Variants in LCTL observed in about 807,000 individuals in gnomAD.
LCTL encodes the protein lactase-like protein.
In LCTL, 76 loss-of-function variants were observed where a neutral mutation model predicts 75.8. The ratio of observed to expected loss-of-function variants is 1.00; its 90% CI spans 0.83 to 1.21. The LOEUF (loss-of-function observed/expected upper bound fraction) is 1.21. Ranked by LOEUF, LCTL falls within the 50% of genes most tolerant of loss-of-function variation. LCTL has a pLI of 0.00. For synonymous variants in LCTL, 271 were observed against 268.8 expected (o/e 1.01, Z -0.08); for missense variants, 670 against 712.4 (o/e 0.94, Z 0.68).
At chr15:66,550,045 A>C (rs111724689) in exon 12 of LCTL, 2 of 1,600,272 alleles carry the variant, frequency 1.2e-6, no homozygotes, top group Admixed American at 3.5e-5. Context: ...ACTCACCTGC[A>C]GCAAGCATCT....
At chr15:66,558,019 C>G (rs1276959439) in exon 7 of LCTL, 1 of 1,605,986 alleles carries the variant, frequency 6.2e-7, no homozygotes, top group South Asian at 1.1e-5. Flanking sequence ...TATAAGAATG[C>G]CAGGCTTTGG....
chr15:66,548,731 T>C (rs1220438244), intron 12 of LCTL, 126 bp from the exon 14 acceptor site: 1 of 509,720 alleles, frequency 2.0e-6, no homozygotes. Flanking sequence ...ATTTTCTGAT[T>C]CTTATTTGCC....
At chr15:66,565,458 G>T in exon 1 of LCTL, 1 of 733,796 alleles carries the variant, frequency 1.4e-6, no homozygotes, top group Non-Finnish European at 2.3e-6. Context: ...TTAGGGCAAA[G>T]GCCAAGTGGG....
In LCTL at chr15:66,553,331, T is replaced by C. The variant is rs1895659881; in HGVS notation, c.923-73A>G. On this transcript the variant is annotated intron_variant, in intron 8 of 12. Transcript: ENST00000341509. ...ATCACTGTGTTATGTATCATGACGA[T>C]AGTGACATCTTGACATAAACGGTGG... The C allele has an allele frequency of 6.5e-6, 8 of 1,235,944 alleles. No individual in the cohort carries two copies. The South Asian group carries it at 1.1e-4, about 17-fold the overall frequency. 76.6% of individuals were successfully genotyped at this position (1,235,944 alleles called of 1,614,324 possible). A position where few individuals can be genotyped will look rare whatever the true frequency, so the allele number is the denominator to read the frequency against.
chr15:66,548,772 T>C (rs974723284), intron 12 of LCTL, 167 bp from the exon 14 acceptor site: 2 of 445,750 alleles, frequency 4.5e-6, no homozygotes, highest in Non-Finnish European at 8.1e-6. Context: ...TTAAATGTTA[T>C]TTGAAAATGT....
chr15:66,560,937 A>G (rs1349304336), intron 6 of LCTL, 69 bp downstream of exon 7: 3 of 1,438,824 alleles, frequency 2.1e-6, no homozygotes, highest in Non-Finnish European at 2.9e-6. Flanking sequence ...GACCAAGCTC[A>G]GGCTAGAGCC....
At chr15:66,552,408 C>A (rs1012683751) in intron 9 of LCTL, among the ~76,000 whole-genome samples, 1 of 152,112 alleles carries the variant, frequency 6.6e-6, no homozygotes, top group South Asian at 2.1e-4. Context: ...CGGTGGCTCA[C>A]GCCTGTAATC....
chr15:66,555,000 T>C (rs886474024), intron 8 of LCTL, among the ~76,000 whole-genome samples: 12 of 152,136 alleles, frequency 7.9e-5, no homozygotes, highest in Non-Finnish European at 1.6e-4. Context: ...AAAAAGACTT[T>C]TAATATATAA....
At chr15:66,564,549 G>T in intron 2 of LCTL, 127 bp downstream of exon 3, 3 of 1,130,870 alleles carry the variant, frequency 2.7e-6, no homozygotes, top group Non-Finnish European at 3.7e-6. Context: ...GAGGGTGTTT[G>T]GCAGAGCATG....
chr15:66,547,765 G>A (rs1380288802), exon 13 of LCTL: 4 of 152,054 alleles, frequency 2.6e-5, no homozygotes, highest in African/African-American at 9.7e-5. Context: ...TTACAACCTG[G>A]AAGGATTGTT....
intron 11 of LCTL, 86 bp downstream of exon 12, chr15:66,551,576 A>C: frequency 1.1e-5 from 12 of 1,071,528 alleles, no homozygotes; most frequent in Non-Finnish European, 1.5e-5. Context: ...AGGAAAGAGA[A>C]GAGAAACTTG....
At chr15:66,565,174 C>G in intron 1 of LCTL, 74 bp downstream of exon 2, 1 of 989,854 alleles carries the variant, frequency 1.0e-6, no homozygotes, top group Non-Finnish European at 1.6e-6. Flanking sequence ...GAACACCAAA[C>G]TCCTTGTCAA....
At position 66,563,840 on chromosome 15, in the gene LCTL, T is replaced by C. The variant is rs1364758039; in HGVS notation, c.370+71A>G. The C allele has an allele frequency of 4.1e-6, 5 of 1,219,756 alleles. No homozygotes were observed. In the Admixed American group the frequency reaches 6.8e-5, roughly 17 times the overall value. The allele number at this position is 1,219,756 out of a possible 1,614,324, so 75.6% of individuals were successfully genotyped here. On this transcript the variant is annotated intron_variant, in intron 3 of 12. Transcript: ENST00000341509. The stretch of plus-strand genomic sequence containing the variant: ...GCTGATCTCCCTCCCCAGGACTCTG[T>C]GGTGCCCCTGCAAAGCCAACATTGC...
At chr15:66,560,982 C>G (rs367717853) in intron 6 of LCTL, 24 bp downstream of exon 7, 3 of 1,611,130 alleles carry the variant, frequency 1.9e-6, no homozygotes, top group Non-Finnish European at 2.5e-6. Context: ...GAGGCTGTTC[C>G]TCCACCAGAA....
At chr15:66,558,003 T>C in exon 7 of LCTL, 2 of 1,608,400 alleles carry the variant, frequency 1.2e-6, no homozygotes, top group Non-Finnish European at 1.7e-6. Context: ...CTGCGCCACG[T>C]GGTGTTATAA....
chr15:66,556,021 G>A (rs1895732030), intron 8 of LCTL, among the ~76,000 whole-genome samples: 1 of 152,138 alleles, frequency 6.6e-6, no homozygotes, highest in Non-Finnish European at 1.5e-5. Context: ...GCAAGGATGT[G>A]GAGTAATTGG....
rs766252084 is a variant in LCTL at position 66,561,221 on chromosome 15, C to A, written c.575G>T (p.Arg192Leu). The change falls in exon 5 of 13, where the codon CGT becomes CTT. Residue 192 changes from arginine to leucine, a missense_variant. Transcript: ENST00000341509. ...ACTGAACGTGATCCAGTGCTTCACA[C>A]GGTCCCCAAAGGCCTCAAAGCACAG... The A allele has an allele frequency of 3.7e-6, 6 of 1,614,114 alleles. No individual in the cohort carries two copies. The South Asian group carries it at 4.4e-5, about 12-fold the overall frequency.
exon 6 of LCTL, chr15:66,561,092 C>G: frequency 1.2e-6 from 2 of 1,614,202 alleles, no homozygotes; most frequent in Non-Finnish European, 8.5e-7. Context: ...TAGCCTTTTT[C>G]TGCCATTGCC....
chr15:66,553,357 G>T, intron 8 of LCTL, 99 bp from the exon 10 acceptor site: 1 of 1,059,196 alleles, frequency 9.4e-7, no homozygotes, highest in Non-Finnish European at 1.3e-6. Context: ...TAAACGGTGG[G>T]CTTTAGGATT....
Sources: gnomAD v4.1 joint callset for allele counts (sites outside exome capture counted in the v4.1 genomes callset) on GRCh38, gnomAD v4.1.1 for gene constraint, MANE v1.5 for transcripts, NCBI Gene and HGNC (gene_info 2026-07-23, HGNC 2026-07-21) for gene names.